ABCB1: variants seen among roughly 807,000 people sequenced by gnomAD.
ABCB1 encodes ATP binding cassette subfamily B member 1, also known as ATP-dependent translocase ABCB1.
A neutral mutation model predicts 142.0 loss-of-function variants in ABCB1; 69 were observed. The observed-to-expected ratio is 0.49, with a 90% CI of 0.40 to 0.59. ABCB1 has a LOEUF of 0.59. Ranked by LOEUF, ABCB1 falls within the 20% of genes least tolerant of loss-of-function variation. The pLI is 0.00. For synonymous variants in ABCB1, 532 were observed against 539.2 expected, an observed-to-expected ratio of 0.99 and a Z score of 0.18; for missense variants, 1,326 against 1,554.7, an observed-to-expected ratio of 0.85 and a Z score of 2.47.
intron 9 of ABCB1, among the ~76,000 whole-genome samples, chr7:87,552,054 T>C (rs1361341624): frequency 6.6e-6 from 1 of 152,238 alleles, no homozygotes; most frequent in Non-Finnish European, 1.5e-5. Flanking sequence ...TGTTGTATCA[T>C]GATAAAACAG....
chr7:87,555,800 T>TG (rs1350452433), intron 8 of ABCB1, among the ~76,000 whole-genome samples: 3 of 152,190 alleles, frequency 2.0e-5, no homozygotes, highest in Non-Finnish European at 4.4e-5. Context: ...AAGCTACCAC[T>TG]GGGCATAACT....
intron 21 of ABCB1, among the ~76,000 whole-genome samples, chr7:87,521,286 T>C (rs1470532696): frequency 1.3e-5 from 2 of 152,234 alleles, no homozygotes; most frequent in African/African-American, 4.8e-5. Context: ...TCTTTATCAT[T>C]GCCATTTGTG....
intron 20 of ABCB1, among the ~76,000 whole-genome samples, chr7:87,533,357 T>C (rs1280291971): frequency 6.6e-6 from 1 of 152,166 alleles, no homozygotes. Flanking sequence ...TGTGAGTTCA[T>C]GGCAGAGGAA....
At chr7:87,521,574 G>C (rs1815510520) in intron 21 of ABCB1, 1 of 756,540 alleles carries the variant, frequency 1.3e-6, no homozygotes, top group Middle Eastern at 3.6e-4. Context: ...TTGAGCAATG[G>C]GGAATGCTCA....
intron 10 of ABCB1, 48 bp downstream of exon 10, chr7:87,550,677 A>G: frequency 6.4e-7 from 1 of 1,559,938 alleles, no homozygotes; most frequent in Non-Finnish European, 8.8e-7. Context: ...AATTGACTTA[A>G]CTGGACAATC....
rs76957723 is a variant in ABCB1 at position 87,682,246 on chromosome 7, G to A, written c.-331+30915C>T. 2.6e-5 allele frequency among the ~76,000 whole-genome samples: 4 copies of A among 152,138 alleles called. No individual in the cohort carries two copies. In the East Asian group the frequency reaches 5.8e-4, roughly 22 times the overall value. On this transcript the variant is annotated intron_variant, in intron 1 of 28. Coordinates refer to the ABCB1 transcript ENST00000265724. ...CAATGACTCCTTCCACCAAAGTCTT[G>A]AACCCCTCTAAGTCATCCATGAGAG...
Position 87,585,533 on chromosome 7 carries a change from T to A in ABCB1, c.265A>T (p.Met89Leu). Residue 89 changes from methionine to leucine, a missense_variant, in exon 4 of 28, where the codon ATG becomes TTG. Coordinates refer to ENST00000622132, the MANE Select transcript of ABCB1 (RefSeq NM_001348946.2). The stretch of plus-strand genomic sequence containing the variant: ...TTACTTCTATTAGTGATGTTTGACA[T>A]CAGATCTTCTAAATTTCCTGCATTT... ...FANAGNLEDL[M>L]SNITNRSDIN... 6.2e-7 allele frequency: 1 copy of A among 1,613,828 alleles called. No individual in the cohort carries two copies. The highest frequency in any genetic ancestry group is 8.5e-7 in the Non-Finnish European group (1 of 1,179,840).
At position 87,695,513 on chromosome 7, in the gene ABCB1, G is replaced by A. The variant is rs139187369; in HGVS notation, c.-331+17648C>T. Among the ~76,000 whole-genome samples, 279 of 152,108 alleles carry A rather than the reference G, an allele frequency of 1.8e-3. 1 individual carries two copies. Among genetic ancestry groups the A allele is most frequent in the Non-Finnish European group, 2.7e-3 (183 of 67,904 alleles). On this transcript the variant is annotated intron_variant, in intron 1 of 28. Transcript: ENST00000265724. ...ACATCAGAGTGGTTTATTAAAATGT[G>A]GTAGGATTATCTTGTCTTTTGTTGA... is the stretch of plus-strand genomic sequence containing the variant.
chr7:87,520,108 G>A (rs1815428709), intron 22 of ABCB1, among the ~76,000 whole-genome samples: 1 of 152,084 alleles, frequency 6.6e-6, no homozygotes, highest in Admixed American at 6.5e-5. Flanking sequence ...TAGCAAGTGG[G>A]CAGCCCTGGG....
At chr7:87,529,230 G>A (rs1481316489) in intron 21 of ABCB1, among the ~76,000 whole-genome samples, 3 of 152,160 alleles carry the variant, frequency 2.0e-5, no homozygotes, top group African/African-American at 7.2e-5. Context: ...TGAATCTTGG[G>A]TTTCATTATC....
At chr7:87,589,829 A>AGAGAGAGAGAGG (rs1818916472) in intron 3 of ABCB1, among the ~76,000 whole-genome samples, 1 of 147,236 alleles carries the variant, frequency 6.8e-6, no homozygotes, top group African/African-American at 2.6e-5. Context: ...AGAGAGAGAG[A>AGAGAGAGAGAGG]GAGAGAGGGA....
At chr7:87,506,579 C>T (rs1412198313) in intron 26 of ABCB1, among the ~76,000 whole-genome samples, 1 of 152,128 alleles carries the variant, frequency 6.6e-6, no homozygotes, top group Non-Finnish European at 1.5e-5. Flanking sequence ...TGATATCTAA[C>T]TTTGAAAATG....
intron 27 of ABCB1, among the ~76,000 whole-genome samples, chr7:87,505,414 A>G (rs1454025205): frequency 6.6e-6 from 1 of 152,236 alleles, no homozygotes; most frequent in Non-Finnish European, 1.5e-5. Context: ...AGTAAATTCA[A>G]GAAGCCTGAG....
intron 25 of ABCB1, among the ~76,000 whole-genome samples, 172 bp from the exon 26 acceptor site, chr7:87,509,653 G>A (rs767532739): frequency 1.3e-5 from 2 of 152,172 alleles, no homozygotes; most frequent in Non-Finnish European, 2.9e-5. Context: ...ATAATTGTAT[G>A]CCTTGAGGAA....
Position 87,520,759 on chromosome 7 carries a change from T to A in ABCB1, c.2786+17A>T. ...AAAATTATTCACACTCTCCTCCCAC[T>A]CTTCAGCGGTTATTACCTGTATGGT... is the stretch of plus-strand genomic sequence containing the variant. On this transcript the variant is annotated intron_variant, in intron 22 of 27. Coordinates refer to ENST00000622132, the MANE Select transcript of ABCB1 (RefSeq NM_001348946.2). 6.3e-7 allele frequency: 1 copy of A among 1,595,604 alleles called. No individual in the cohort carries two copies. Among genetic ancestry groups the A allele is most frequent in the Non-Finnish European group, 8.6e-7 (1 of 1,163,306 alleles).
intron 2 of ABCB1, 122 bp from the exon 3 acceptor site, chr7:87,595,936 A>G (rs2235072): frequency 1.0e-4 from 76 of 751,622 alleles, no homozygotes; most frequent in African/African-American, 9.7e-4. Flanking sequence ...TATATTATAC[A>G]GTTAAAAAAC....
At chr7:87,637,917 A>G (rs895715948) in intron 1 of ABCB1, among the ~76,000 whole-genome samples, 3 of 151,888 alleles carry the variant, frequency 2.0e-5, no homozygotes, top group African/African-American at 4.8e-5. Flanking sequence ...TGCACTGGCT[A>G]GGACCACTAA....
At chr7:87,517,819 T>C (rs1379738783) in intron 23 of ABCB1, among the ~76,000 whole-genome samples, 1 of 148,744 alleles carries the variant, frequency 6.7e-6, no homozygotes, top group East Asian at 1.9e-4. Flanking sequence ...AGGTATCAAG[T>C]CCAGCTCTCC....
chr7:87,600,747 GC>G lies in ABCB1; in HGVS notation c.-7+7del, dbSNP rs1359427296. ...CCCATAGTAGCTCCCAGCTTTGCGT[GC>G]CCCTACCTCGCGCTCCTTGGAACGG... is the stretch of plus-strand genomic sequence containing the variant. On this transcript the variant is annotated splice_region_variant and intron_variant, in intron 1 of 27. Coordinates refer to ENST00000622132, the MANE Select transcript of ABCB1 (RefSeq NM_001348946.2). 1 of 153,032 alleles carries G rather than the reference GC, an allele frequency of 6.5e-6. No individual in the cohort carries two copies. The highest frequency in any genetic ancestry group is 2.4e-5 in the African/African-American group (1 of 41,468). 9.5% of individuals were successfully genotyped at this position (153,032 alleles called of 1,614,324 possible).
Sources: gnomAD v4.1 joint callset for allele counts (sites outside exome capture counted in the v4.1 genomes callset) on GRCh38, gnomAD v4.1.1 for gene constraint, MANE v1.5 for transcripts, NCBI Gene and HGNC (gene_info 2026-07-23, HGNC 2026-07-21) for gene names.